The following KMT2D variants were observed in gnomAD, a reference collection of about 807,000 sequenced individuals.
KMT2D encodes the protein lysine methyltransferase 2D.
In KMT2D, 55 loss-of-function variants were observed where a neutral mutation model predicts 512.7. The ratio of observed to expected loss-of-function variants is 0.11; its 90% CI spans 0.09 to 0.13. The LOEUF (loss-of-function observed/expected upper bound fraction) is 0.13. Among genes scored for constraint, KMT2D ranks in the 10% least tolerant of loss-of-function variants. KMT2D has a pLI of 1.00. For synonymous variants in KMT2D, 2,995 were observed against 2,904.0 expected (o/e 1.03, Z -1.01); for missense variants, 6,061 against 7,127.9 (o/e 0.85, Z 5.39).
At position 49,040,616 on chromosome 12, in the gene KMT2D, G is replaced by C. The variant is rs1265636887; in HGVS notation, c.7154C>G (p.Pro2385Arg). The C allele has an allele frequency of 6.2e-7, 1 of 1,613,506 alleles. No homozygotes were observed. The highest frequency in any genetic ancestry group is 1.7e-5 in the Admixed American group (1 of 60,006). Residue 2385 changes from proline (P) to arginine (R), a missense_variant, in exon 32 of 55, where the codon CCT becomes CGT. This residue lies in a region of KMT2D where 710 missense variants were observed against 647.3 expected (regional missense o/e 1.10). Transcript: ENST00000301067. The stretch of plus-strand genomic sequence containing the variant: ...CTCAGGGGGCGGAGGTTGGGGCCGA[G>C]GAGTCAATGGGGGCTGAGCATATGG... The part of the protein sequence containing the change: ...TDPYAQPPLT[P>R]RPQPPPPESC...
Position 49,032,036 on chromosome 12 carries a change from C to T in KMT2D, c.12669G>A (p.Gln4223=). 1.2e-6 allele frequency: 2 copies of T among 1,613,064 alleles called. No homozygotes were observed. Among genetic ancestry groups the T allele is most frequent in the Non-Finnish European group, 1.7e-6 (2 of 1,179,398 alleles). ...GCAGCTGCCGCTGCATGAGGAGTGCCTGTAGCTGCTGCTGCTGCTGAGGAC... is the reference window on the plus strand; with the variant it reads ...GCAGCTGCCGCTGCATGAGGAGTGCTTGTAGCTGCTGCTGCTGCTGAGGAC... ...HLSPQQQQQL[Q]ALLMQRQLQQ... is the part of the protein sequence containing the mutation. The change falls in exon 40 of 55, where the codon CAG becomes CAA. Residue 4223 remains glutamine (Q), a synonymous_variant. Transcript: ENST00000301067.
chr12:49,053,043 C>A lies in KMT2D; in HGVS notation c.984G>T (p.Ala328=), dbSNP rs760364650. The change falls in exon 9 of 55, where the codon GCG becomes GCT. Residue 328 remains alanine, a synonymous_variant. Transcript: ENST00000301067. ...KACRVCRACG[A]GSAELNPNSE... is the part of the protein sequence containing the mutation. ...AGTTGGGATTCAGTTCTGCTGAGCC[C>A]GCCCCACAGGCCCGGCACACCCGGC... 6.2e-7 allele frequency: 1 copy of A among 1,613,912 alleles called. No individual in the cohort carries two copies.
At chr12:49,034,700 G>T in intron 36 of KMT2D, 34 bp from the exon 37 acceptor site, 2 of 1,607,486 alleles carry the variant, frequency 1.2e-6, no homozygotes, top group Non-Finnish European at 1.7e-6. Context: ...GATAAGTGTT[G>T]GCAATAAGAA....
At position 49,029,095 on chromosome 12, in the gene KMT2D, A is replaced by G. The variant is rs758984588; in HGVS notation, c.14217T>C (p.Pro4739=). 1 of 1,607,628 alleles carries G rather than the reference A, an allele frequency of 6.2e-7. No homozygotes were observed. The highest frequency in any genetic ancestry group is 1.1e-5 in the South Asian group (1 of 90,844). Residue 4739 remains proline, a synonymous_variant, in exon 45 of 55, where the codon CCT becomes CCC. Coordinates refer to ENST00000301067, the MANE Select transcript of KMT2D (RefSeq NM_003482.4). ...RWEQEDRALS[P]VIPLIPRASI... ...TGGCCCGAGGAATGAGGGGGATGAC[A>G]GGGGAGAGGGCCCGGTCCTCTTGCT... is the stretch of plus-strand genomic sequence containing the variant.
Position 49,038,417 on chromosome 12 carries a change from G to T in KMT2D, c.8939C>A (p.Ala2980Asp). 1 of 1,613,594 alleles carries T rather than the reference G, an allele frequency of 6.2e-7. No individual in the cohort carries two copies. Among genetic ancestry groups the T allele is most frequent in the Non-Finnish European group, 8.5e-7 (1 of 1,179,636 alleles). Residue 2980 changes from alanine (A) to aspartate (D), a missense_variant, in exon 35 of 55, where the codon GCC (alanine) becomes GAC (aspartate). This residue lies in a region of KMT2D where 527 missense variants were observed against 578.9 expected (regional missense o/e 0.91). Coordinates refer to ENST00000301067, the MANE Select transcript of KMT2D (RefSeq NM_003482.4). The surrounding 1 kb of genome is among the most constrained non-coding windows in gnomAD (Gnocchi z 5.7). ...ACAGGGCAACTTCCCAGCTTCCAGG[G>T]CCAGAGGATTGGGGCGGCCAAGCTC... is the stretch of plus-strand genomic sequence containing the variant. ...STELGRPNPLALEAGKLPCED... is the reference protein window; with the variant it reads ...STELGRPNPLDLEAGKLPCED...
At position 49,041,729 on chromosome 12, in the gene KMT2D, T is replaced by C. The variant is rs368596980; in HGVS notation, c.6184-24A>G. On this transcript the variant is annotated intron_variant, in intron 30 of 54. Transcript: ENST00000301067. This position sits in a 1 kb window ranked among gnomAD's most constrained non-coding sequence, Gnocchi z 5.4. Reference sequence around the variant, plus strand: ...TGCTGAGGGATATGGGACACAGCCTTAGGGCCTAGTGCTTGGTCTCATGCC... The same window carrying C: ...TGCTGAGGGATATGGGACACAGCCTCAGGGCCTAGTGCTTGGTCTCATGCC... 1.5e-5 allele frequency: 24 copies of C among 1,602,286 alleles called. No homozygotes were observed. Among genetic ancestry groups the C allele is most frequent in the Non-Finnish European group, 1.9e-5 (22 of 1,173,920 alleles).
At position 49,026,357 on chromosome 12, in the gene KMT2D, A is replaced by G. The variant is rs2137715584; in HGVS notation, c.15609T>C (p.Thr5203=). 1 of 1,612,698 alleles carries G rather than the reference A, an allele frequency of 6.2e-7. No homozygotes were observed. The highest frequency in any genetic ancestry group is 8.5e-7 in the Non-Finnish European group (1 of 1,178,710). Residue 5203 remains threonine (T), a synonymous_variant, in exon 49 of 55, where the codon ACT becomes ACC. Coordinates refer to ENST00000301067, the MANE Select transcript of KMT2D (RefSeq NM_003482.4). This position sits in a 1 kb window ranked among gnomAD's most constrained non-coding sequence, Gnocchi z 9.6. ...CCTCGTAGCCCACGGGATAGAGGGC[A>G]GTGGCACTATGAAAGTCAGCCATCT... ...PHQMADFHSA[T]ALYPVGYEAT...
chr12:49,048,794 G>A (rs2120627158), intron 13 of KMT2D, 25 bp from the exon 14 acceptor site: 2 of 1,485,112 alleles, frequency 1.3e-6, no homozygotes, highest in Non-Finnish European at 1.9e-6. Context: ...GTTATGGAAA[G>A]TGAGGCAGAT....
In KMT2D at chr12:49,021,304, G is replaced by A. The variant is rs1385196889; in HGVS notation, c.*476C>T. On this transcript the variant is annotated 3_prime_UTR_variant, in exon 55 of 55. Coordinates refer to ENST00000301067, the MANE Select transcript of KMT2D (RefSeq NM_003482.4). ...GGGATGGGGGTGAGGGTGGGGGCAG[G>A]ACCCGGCAGGCAGGGCCAGGTGTGG... The A allele has an allele frequency of 1.7e-5, 4 of 239,660 alleles. No homozygotes were observed. The highest frequency in any genetic ancestry group is 6.7e-5 in the African/African-American group (3 of 45,036). 14.8% of individuals were successfully genotyped at this position (239,660 alleles called of 1,614,324 possible). A position where few individuals can be genotyped will look rare whatever the true frequency, so the allele number is the denominator to read the frequency against.
In KMT2D at chr12:49,032,294, G is replaced by A. The variant is rs1942959418; in HGVS notation, c.12411C>T (p.Pro4137=). 1.9e-6 allele frequency: 3 copies of A among 1,613,936 alleles called. No individual in the cohort carries two copies. Among genetic ancestry groups the A allele is most frequent in the Non-Finnish European group, 2.5e-6 (3 of 1,179,854 alleles). The part of the protein sequence containing the change: ...ASSVPHLLAQ[P]SVSLGDQPGS... ...CAGGCTGATCCCCTAAGGAAACAGAGGGCTGAGCCAGCAGGTGGGGCACAG... is the reference window on the plus strand; with the variant it reads ...CAGGCTGATCCCCTAAGGAAACAGAAGGCTGAGCCAGCAGGTGGGGCACAG... The change falls in exon 40 of 55, where the codon CCC becomes CCT. Residue 4137 remains proline, a synonymous_variant. Coordinates refer to ENST00000301067, the MANE Select transcript of KMT2D (RefSeq NM_003482.4).
At chr12:49,048,963 G>C in intron 13 of KMT2D, 142 bp downstream of exon 13, 2 of 688,250 alleles carry the variant, frequency 2.9e-6, no homozygotes, top group Non-Finnish European at 5.1e-6. Context: ...AAAAACCTGC[G>C]GGCCAAGTGG....
rs1410918298 is a variant in KMT2D at position 49,020,991 on chromosome 12, C to T, written c.*789G>A. ...TTGTTTTTCTTCCTCCTCCTACCCCCCTTCCACCCACTCAGAAGAGGGCAG... is the reference window on the plus strand; with the variant it reads ...TTGTTTTTCTTCCTCCTCCTACCCCTCTTCCACCCACTCAGAAGAGGGCAG... On this transcript the variant is annotated 3_prime_UTR_variant, in exon 55 of 55. Transcript: ENST00000301067. The T allele has an allele frequency of 5.1e-6, 1 of 195,342 alleles. No individual in the cohort carries two copies. 12.1% of individuals were successfully genotyped at this position (195,342 alleles called of 1,614,324 possible).
chr12:49,055,713 G>A (rs1938368759), intron 1 of KMT2D, among the ~76,000 whole-genome samples: 1 of 152,122 alleles, frequency 6.6e-6, no homozygotes, highest in African/African-American at 2.4e-5. Flanking sequence ...GGCTTTTGGT[G>A]AGCCCTATTC....
rs1479599103 is a variant in KMT2D, at chr12:49,038,884, T to C, written c.8472A>G (p.Thr2824=). ...TGGCAAATCGCATGGAGGTTGCTGC[T>C]GTTGCCTGTTGTTGCTGCCACAGTT... ...QQQLWQQQQA[T]AATSMRFAMS... The change falls in exon 35 of 55, where the codon ACA becomes ACG. Residue 2824 remains threonine (T), a synonymous_variant. Transcript: ENST00000301067. The surrounding 1 kb of genome is among the most constrained non-coding windows in gnomAD (Gnocchi z 5.7). 6.4e-7 allele frequency: 1 copy of C among 1,551,774 alleles called. No homozygotes were observed. Among genetic ancestry groups the C allele is most frequent in the Non-Finnish European group, 8.7e-7 (1 of 1,147,058 alleles).
rs1432465908 is a variant in KMT2D, at chr12:49,038,363, T to A, written c.8993A>T (p.Asp2998Val). 13 of 1,613,724 alleles carry A rather than the reference T, an allele frequency of 8.1e-6. No homozygotes were observed. Among genetic ancestry groups the A allele is most frequent in the African/African-American group, 1.3e-5 (1 of 74,882 alleles). The part of the protein sequence containing the change: ...CEDPELDDDF[D>V]AHKALEDDEE... ...ATCATCCTCTAGGGCCTTGTGGGCA[T>A]CAAAATCGTCATCCAGCTCGGGATC... Residue 2998 changes from aspartate (D) to valine (V), a missense_variant, in exon 35 of 55, where the codon GAT (aspartate) becomes GTT (valine). By Grantham distance (152) the Asp-to-Val change is radical. Around this residue, in one of 16 missense-constraint regions of KMT2D, gnomAD observed 527 missense variants for 578.9 expected, o/e 0.91. Transcript: ENST00000301067. This position sits in a 1 kb window ranked among gnomAD's most constrained non-coding sequence, Gnocchi z 5.7.
chr12:49,037,759 G>A lies in KMT2D; in HGVS notation c.9597C>T (p.Ser3199=), dbSNP rs768862109. Residue 3199 remains serine, a synonymous_variant, in exon 35 of 55, where the codon AGC becomes AGT. Transcript: ENST00000301067. The part of the protein sequence containing the change: ...GGPPAHLLTP[S]PLSGPGGSSL... ...AGGATCCTCCTGGGCCACTCAGTGG[G>A]CTGGGGGTCAGCAGGTGAGCTGGTG... 9 of 1,591,852 alleles carry A rather than the reference G, an allele frequency of 5.7e-6. No individual in the cohort carries two copies. The Admixed American group carries it at 1.4e-4, about 25-fold the overall frequency.
chr12:49,053,943 C>T (rs768327021), intron 6 of KMT2D, 35 bp downstream of exon 6: 5 of 1,603,648 alleles, frequency 3.1e-6, no homozygotes, highest in East Asian at 2.2e-5. Context: ...TTTGGTCTCT[C>T]ATTTGCCCTA....
chr12:49,049,039 C>A, intron 13 of KMT2D, 66 bp downstream of exon 13: 1 of 1,007,202 alleles, frequency 9.9e-7, no homozygotes, highest in Non-Finnish European at 1.5e-6. Context: ...ATGCAAGGGA[C>A]TGGCAGGACT....
In KMT2D at chr12:49,043,058, T is replaced by C; in HGVS notation, c.5644+18A>G. On this transcript the variant is annotated intron_variant, in intron 26 of 54. Coordinates refer to ENST00000301067, the MANE Select transcript of KMT2D (RefSeq NM_003482.4). ...TAGAAAACCCTTATACACAAAGAGGTACGGGTCACAGCCTCACCTTCTGTG... is the reference window on the plus strand; with the variant it reads ...TAGAAAACCCTTATACACAAAGAGGCACGGGTCACAGCCTCACCTTCTGTG... 1.2e-6 allele frequency: 2 copies of C among 1,601,970 alleles called. No homozygotes were observed. Among genetic ancestry groups the C allele is most frequent in the Non-Finnish European group, 1.7e-6 (2 of 1,169,026 alleles).
Sources: allele counts gnomAD v4.1 joint callset (sites outside exome capture counted in the v4.1 genomes callset), GRCh38; gene constraint gnomAD v4.1.1; regional missense constraint gnomAD v4.1.1; non-coding constraint Gnocchi (gnomAD v3.1); transcripts MANE v1.5; gene names NCBI Gene and HGNC (gene_info 2026-07-23, HGNC 2026-07-21).